The following PRLR variants were observed in gnomAD, a reference collection of about 807,000 sequenced individuals.
The protein encoded by PRLR is hPRL receptor.
In PRLR, 13 loss-of-function variants were observed where a neutral mutation model predicts 40.2. That is an observed-to-expected ratio of 0.32 (90% confidence interval 0.21 to 0.51). The LOEUF is 0.51. Among genes scored for constraint, PRLR ranks in the 20% least tolerant of loss-of-function variants. PRLR has a pLI of 0.97. For missense variants in PRLR, 656 were observed against 747.3 expected, an observed-to-expected ratio of 0.88 and a Z score of 1.42; for synonymous variants, 269 against 278.7, an observed-to-expected ratio of 0.97 and a Z score of 0.35.
intron 1 of PRLR, among the ~76,000 whole-genome samples, chr5:35,216,280 A>G (rs1045472212): frequency 2.6e-5 from 4 of 152,238 alleles, no homozygotes; most frequent in Non-Finnish European, 5.9e-5. Flanking sequence ...CCAAGTGCTC[A>G]TTTATTGAAC....
chr5:35,110,167 T>G (rs185886205), intron 2 of PRLR, among the ~76,000 whole-genome samples: 1 of 151,874 alleles, frequency 6.6e-6, no homozygotes, highest in Non-Finnish European at 1.5e-5. Flanking sequence ...ATTTGAACAA[T>G]GAGAACAGTT....
chr5:35,200,205 A>G (rs1405653846), intron 1 of PRLR, among the ~76,000 whole-genome samples: 2 of 152,226 alleles, frequency 1.3e-5, no homozygotes, highest in African/African-American at 4.8e-5. Context: ...GAAATAATAT[A>G]GTTAACACGC....
At chr5:35,213,964 A>G (rs1776228293) in intron 1 of PRLR, among the ~76,000 whole-genome samples, 1 of 152,144 alleles carries the variant, frequency 6.6e-6, no homozygotes, top group South Asian at 2.1e-4. Flanking sequence ...TCTCTTCTCC[A>G]GCAGGTAGCT....
intron 1 of PRLR, among the ~76,000 whole-genome samples, chr5:35,166,294 T>A (rs1193740532): frequency 6.6e-6 from 1 of 152,178 alleles, no homozygotes; most frequent in Non-Finnish European, 1.5e-5. Flanking sequence ...CCCTTTCACA[T>A]CTTTTCAATA....
chr5:35,102,130 A>G (rs1206137571), intron 2 of PRLR, among the ~76,000 whole-genome samples: 2 of 151,834 alleles, frequency 1.3e-5, no homozygotes, highest in Non-Finnish European at 2.9e-5. Flanking sequence ...GCCCGGCCAA[A>G]CTTTTAATCT....
intron 1 of PRLR, among the ~76,000 whole-genome samples, chr5:35,209,739 G>A (rs1304338829): frequency 6.6e-6 from 1 of 152,176 alleles, no homozygotes; most frequent in African/African-American, 2.4e-5. Context: ...GAAGGAAAAC[G>A]TATTCACTGT....
At chr5:35,205,525 C>T (rs1579801204) in intron 1 of PRLR, among the ~76,000 whole-genome samples, 1 of 134,282 alleles carries the variant, frequency 7.4e-6, no homozygotes, top group Admixed American at 7.7e-5. Context: ...ACAAGCACAG[C>T]ATCCCTTCTA....
intron 1 of PRLR, chr5:35,130,437 C>T (rs796875815): frequency 1.1e-4 from 17 of 152,238 alleles, no homozygotes; most frequent in African/African-American, 4.1e-4. Flanking sequence ...ATGCTGTCAT[C>T]CCTGTGTCGC....
chr5:35,207,385 A>G (rs1013341242), intron 1 of PRLR, among the ~76,000 whole-genome samples: 1 of 152,120 alleles, frequency 6.6e-6, no homozygotes, highest in African/African-American at 2.4e-5. Context: ...GAGATAATGG[A>G]AGAAAAATCC....
At chr5:35,179,045 C>T (rs1775220670) in intron 1 of PRLR, among the ~76,000 whole-genome samples, 4 of 152,152 alleles carry the variant, frequency 2.6e-5, no homozygotes, top group Admixed American at 6.5e-5. Flanking sequence ...ATCCTCACAA[C>T]AAAGGTCTCA....
chr5:35,199,592 ATC>A (rs1467914037), intron 1 of PRLR, among the ~76,000 whole-genome samples: 24 of 151,304 alleles, frequency 1.6e-4, no homozygotes, highest in African/African-American at 2.2e-4. Context: ...TGAAAAAAAA[ATC>A]ATCATCTAAA....
chr5:35,147,080 C>G (rs1774203241), intron 1 of PRLR, among the ~76,000 whole-genome samples: 2 of 152,194 alleles, frequency 1.3e-5, no homozygotes, highest in African/African-American at 4.8e-5. Flanking sequence ...ATTATCCCAT[C>G]TACCAAGCCA....
chr5:35,173,831 CT>C (rs1159337735), intron 1 of PRLR, among the ~76,000 whole-genome samples: 3 of 151,804 alleles, frequency 2.0e-5, no homozygotes, highest in East Asian at 3.9e-4. Context: ...CTTTTCTTTT[CT>C]TTTTACTTTT....
intron 2 of PRLR, among the ~76,000 whole-genome samples, chr5:35,107,281 T>A (rs1284509826): frequency 1.3e-5 from 2 of 152,112 alleles, no homozygotes; most frequent in Non-Finnish European, 2.9e-5. Context: ...GCAGGAAAGA[T>A]CTAAAATCGA....
At chr5:35,200,839 A>C (rs1775863461) in intron 1 of PRLR, among the ~76,000 whole-genome samples, 1 of 152,214 alleles carries the variant, frequency 6.6e-6, no homozygotes, top group South Asian at 2.1e-4. Flanking sequence ...TAAAGAGTTA[A>C]CAGACTTTGC....
chr5:35,176,515 C>T lies in PRLR; in HGVS notation c.-106+53753G>A, dbSNP rs959720817. On this transcript the variant is annotated intron_variant, in intron 1 of 9. Coordinates refer to ENST00000618457, the MANE Select transcript of PRLR (RefSeq NM_000949.7). ...GAGATTCTGTTAATCTATAACCTTACCCCCAACCCCGTGCTCTCTGAAACA... is the reference window on the plus strand; with the variant it reads ...GAGATTCTGTTAATCTATAACCTTATCCCCAACCCCGTGCTCTCTGAAACA... 1.7e-3 allele frequency among the ~76,000 whole-genome samples: 263 copies of T among 152,266 alleles called. 1 individual carries two copies. Among genetic ancestry groups the T allele is most frequent in the African/African-American group, 6.2e-3 (258 of 41,544 alleles).
intron 3 of PRLR, 30 bp from the exon 4 acceptor site, chr5:35,086,370 T>C (rs1770849734): frequency 1.2e-6 from 2 of 1,610,604 alleles, no homozygotes; most frequent in African/African-American, 2.7e-5. Flanking sequence ...ACTGCATCAA[T>C]ATTGAGGTCC....
At chr5:35,053,174 T>G (rs1376665769), downstream of PRLR, among the ~76,000 whole-genome samples, 2 of 152,172 alleles carry the variant, frequency 1.3e-5, no homozygotes, top group African/African-American at 4.8e-5. Context: ...TATTTAACAC[T>G]GTCCTGGAAG....
At chr5:35,070,883 T>C (rs1171888152) in intron 6 of PRLR, among the ~76,000 whole-genome samples, 1 of 147,988 alleles carries the variant, frequency 6.8e-6, no homozygotes, top group East Asian at 2.0e-4. Context: ...AATTAAAGAA[T>C]TGTTAGCCTT....
Sources: allele counts gnomAD v4.1 joint callset (sites outside exome capture counted in the v4.1 genomes callset), GRCh38; gene constraint gnomAD v4.1.1; transcripts MANE v1.5; gene names NCBI Gene and HGNC (gene_info 2026-07-23, HGNC 2026-07-21).